The following ADAMTS15 variants were observed in gnomAD, a reference collection of about 807,000 sequenced individuals.
ADAMTS15 encodes ADAM metallopeptidase with thrombospondin type 1 motif 15.
ADAMTS15 carries 35 observed loss-of-function variants against 79.1 expected under a neutral mutation model. The observed-to-expected ratio is 0.44, with a 90% CI of 0.34 to 0.59. The LOEUF is 0.59. Ranked by LOEUF, ADAMTS15 falls within the 20% of genes least tolerant of loss-of-function variation. The probability of loss-of-function intolerance (pLI) is 0.02; values close to 1 mark genes in which losing one functional copy is unlikely to be tolerated. For synonymous variants in ADAMTS15, 616 were observed against 567.3 expected, an observed-to-expected ratio of 1.09 and a Z score of -1.22; for missense variants, 1,324 against 1,318.7, an observed-to-expected ratio of 1.00 and a Z score of -0.06.
chr11:130,449,597 G>C lies in ADAMTS15; in HGVS notation c.624G>C (p.Gly208=). 6.2e-7 allele frequency: 1 copy of C among 1,603,464 alleles called. No homozygotes were observed. Among genetic ancestry groups the C allele is most frequent in the Non-Finnish European group, 8.5e-7 (1 of 1,175,446 alleles). Residue 208 remains glycine (G), a synonymous_variant, in exon 1 of 8, where the codon GGG becomes GGC. Coordinates refer to ENST00000299164, the MANE Select transcript of ADAMTS15 (RefSeq NM_139055.4). The surrounding 1 kb of genome is among the most constrained non-coding windows in gnomAD (Gnocchi z 7.8). ...FGESRSRRRS[G]RAKRFVSIPR... is the part of the protein sequence containing the mutation. ...AGAGTCGTAGCCGGCGCAGGTCTGG[G>C]CGCGCCAAGCGTTTCGTGTCTATCC... is the stretch of plus-strand genomic sequence containing the variant.
At chr11:130,459,431 G>T (rs556091457) in intron 1 of ADAMTS15, among the ~76,000 whole-genome samples, 2 of 152,196 alleles carry the variant, frequency 1.3e-5, no homozygotes, top group African/African-American at 4.8e-5. Flanking sequence ...CTCCCAAAGT[G>T]CTGGGATTAC....
chr11:130,462,884 A>G lies in ADAMTS15; in HGVS notation c.1542+104A>G, dbSNP rs1938232520. 1.4e-6 allele frequency: 2 copies of G among 1,466,570 alleles called. No homozygotes were observed. Among genetic ancestry groups the G allele is most frequent in the South Asian group, 2.8e-5 (2 of 72,432 alleles). 90.8% of individuals were successfully genotyped at this position (1,466,570 alleles called of 1,614,324 possible). A position where few individuals can be genotyped will look rare whatever the true frequency, so the allele number is the denominator to read the frequency against. On this transcript the variant is annotated intron_variant, in intron 4 of 7. Transcript: ENST00000299164. This position sits in a 1 kb window ranked among gnomAD's most constrained non-coding sequence, Gnocchi z 4.3. ...TTCACCAGGAAGGTGCCTATCACAG[A>G]CTGGCCACGGGACCAGCACTGTTGC... is the stretch of plus-strand genomic sequence containing the variant.
intron 1 of ADAMTS15, 79 bp from the exon 2 acceptor site, chr11:130,461,410 A>G: frequency 6.3e-7 from 1 of 1,597,400 alleles, no homozygotes; most frequent in Non-Finnish European, 8.5e-7. Context: ...GTCCTATAGG[A>G]TGTCCTTTCT....
At position 130,471,111 on chromosome 11, in the gene ADAMTS15, C is replaced by A; in HGVS notation, c.1902+10C>A. On this transcript the variant is annotated intron_variant, in intron 6 of 7. Coordinates refer to ENST00000299164, the MANE Select transcript of ADAMTS15 (RefSeq NM_139055.4). Reference sequence around the variant, plus strand: ...TGTGCTGGCACCCAAGGTGAGTGAGCCTGGGGCCTGAGAACAAAGTAGGGA... The same window carrying A: ...TGTGCTGGCACCCAAGGTGAGTGAGACTGGGGCCTGAGAACAAAGTAGGGA... The A allele has an allele frequency of 6.2e-7, 1 of 1,608,610 alleles. No homozygotes were observed. The highest frequency in any genetic ancestry group is 1.7e-5 in the Admixed American group (1 of 59,660).
Position 130,462,879 on chromosome 11 carries a change from C to G in ADAMTS15, c.1542+99C>G, listed in dbSNP as rs975832750. The G allele has an allele frequency of 4.0e-6, 6 of 1,483,916 alleles. No homozygotes were observed. In the African/African-American group the frequency reaches 8.4e-5, roughly 21 times the overall value. 91.9% of individuals were successfully genotyped at this position (1,483,916 alleles called of 1,614,324 possible). A position where few individuals can be genotyped will look rare whatever the true frequency, so the allele number is the denominator to read the frequency against. ...TGGTCTTCACCAGGAAGGTGCCTAT[C>G]ACAGACTGGCCACGGGACCAGCACT... is the stretch of plus-strand genomic sequence containing the variant. On this transcript the variant is annotated intron_variant, in intron 4 of 7. Coordinates refer to ENST00000299164, the MANE Select transcript of ADAMTS15 (RefSeq NM_139055.4). This position sits in a 1 kb window ranked among gnomAD's most constrained non-coding sequence, Gnocchi z 4.3.
At chr11:130,453,302 TGTA>T (rs1938004244) in intron 1 of ADAMTS15, among the ~76,000 whole-genome samples, 1 of 151,794 alleles carries the variant, frequency 6.6e-6, no homozygotes, top group Non-Finnish European at 1.5e-5. Flanking sequence ...TTTTAGGACT[TGTA>T]GTTTATGGTT....
rs138810308 is a variant in ADAMTS15, at chr11:130,464,400, TCA to T, written c.1542+1622_1542+1623del. On this transcript the variant is annotated intron_variant, in intron 4 of 7. Coordinates refer to ENST00000299164, the MANE Select transcript of ADAMTS15 (RefSeq NM_139055.4). ...GAAACCTTCATGGAAGTCATTGCCC[TCA>T]CTGGCTGAGGTCAGATCATAAAGCA... Among the ~76,000 whole-genome samples the T allele has an allele frequency of 8.1e-3, 1,235 of 152,282 alleles. 21 individuals are homozygous for T. The highest frequency in any genetic ancestry group is 0.028 in the African/African-American group (1,172 of 41,548).
intron 1 of ADAMTS15, among the ~76,000 whole-genome samples, chr11:130,454,115 G>A (rs762133009): frequency 1.3e-5 from 2 of 152,178 alleles, no homozygotes; most frequent in Non-Finnish European, 2.9e-5. Flanking sequence ...ACTGCGCCTG[G>A]TCTATTTTGT....
intron 1 of ADAMTS15, among the ~76,000 whole-genome samples, chr11:130,458,176 A>G (rs1938126050): frequency 6.6e-6 from 1 of 152,010 alleles, no homozygotes. Context: ...CGCCCTCTAG[A>G]TCCCAGTCTG....
At position 130,463,044 on chromosome 11, in the gene ADAMTS15, C is replaced by T. The variant is rs572483392; in HGVS notation, c.1542+264C>T. Among the ~76,000 whole-genome samples, 568 of 152,322 alleles carry T rather than the reference C, an allele frequency of 3.7e-3. 3 individuals are homozygous for T. The highest frequency in any genetic ancestry group is 6.4e-3 in the South Asian group (31 of 4,824). Reference sequence around the variant, plus strand: ...ACATGGGGAAAAGCCTTCAACAGGACGTGGGGTCTCAGCCCTGAGCTCCGG... The same window carrying T: ...ACATGGGGAAAAGCCTTCAACAGGATGTGGGGTCTCAGCCCTGAGCTCCGG... On this transcript the variant is annotated intron_variant, in intron 4 of 7. Coordinates refer to ENST00000299164, the MANE Select transcript of ADAMTS15 (RefSeq NM_139055.4).
chr11:130,472,927 C>A lies in ADAMTS15; in HGVS notation c.2079-120C>A. The A allele has an allele frequency of 7.0e-7, 1 of 1,433,926 alleles. No individual in the cohort carries two copies. The highest frequency in any genetic ancestry group is 9.5e-7 in the Non-Finnish European group (1 of 1,055,852). 88.8% of individuals were successfully genotyped at this position (1,433,926 alleles called of 1,614,324 possible). On this transcript the variant is annotated intron_variant, in intron 7 of 7. Transcript: ENST00000299164. This position sits in a 1 kb window ranked among gnomAD's most constrained non-coding sequence, Gnocchi z 4.7. ...GACCTCTCTGACTCCAAAACCTGTG[C>A]TTTTACTCCCATGCCAGAATTCACC...
intron 4 of ADAMTS15, among the ~76,000 whole-genome samples, chr11:130,465,485 G>T (rs915696097): frequency 6.6e-6 from 1 of 152,152 alleles, no homozygotes; most frequent in Non-Finnish European, 1.5e-5. Flanking sequence ...AACTTCTTAT[G>T]ATCCCACTTC....
rs1938520843 is a variant in ADAMTS15, at chr11:130,473,848, C to T, written c.*27C>T. 2 of 1,563,650 alleles carry T rather than the reference C, an allele frequency of 1.3e-6. No homozygotes were observed. Among genetic ancestry groups the T allele is most frequent in the East Asian group, 4.5e-5 (2 of 44,192 alleles). ...TGGGGTCATCGCTTTCTCCCCCTCACTCTCCACCCCACTGATATGCCAGCG... is the reference window on the plus strand; with the variant it reads ...TGGGGTCATCGCTTTCTCCCCCTCATTCTCCACCCCACTGATATGCCAGCG... On this transcript the variant is annotated 3_prime_UTR_variant, in exon 8 of 8. Transcript: ENST00000299164.
Position 130,473,678 on chromosome 11 carries a change from C to T in ADAMTS15, c.2710C>T (p.Pro904Ser). Residue 904 changes from proline to serine, a missense_variant, in exon 8 of 8, where the codon CCC becomes TCC. Physicochemically the swap from Pro to Ser is moderately conservative, Grantham distance 74 (BLOSUM62 -1). Coordinates refer to ENST00000299164, the MANE Select transcript of ADAMTS15 (RefSeq NM_139055.4). Reference sequence around the variant, plus strand: ...CACCTGGGAGCTCAGCGCCTGGTCACCCTGCTCCAAGAGCTGCGGCCGGGG... The same window carrying T: ...CACCTGGGAGCTCAGCGCCTGGTCATCCTGCTCCAAGAGCTGCGGCCGGGG... ...CPTWELSAWS[P>S]CSKSCGRGFQ... is the part of the protein sequence containing the mutation. 1.2e-6 allele frequency: 2 copies of T among 1,604,516 alleles called. No homozygotes were observed. Among genetic ancestry groups the T allele is most frequent in the Non-Finnish European group, 1.7e-6 (2 of 1,179,882 alleles).
intron 5 of ADAMTS15, among the ~76,000 whole-genome samples, chr11:130,470,531 A>G (rs1392296810): frequency 2.6e-5 from 4 of 152,034 alleles, no homozygotes; most frequent in Non-Finnish European, 5.9e-5. Flanking sequence ...ATCATATTTA[A>G]TGCATTAACA....
intron 1 of ADAMTS15, among the ~76,000 whole-genome samples, chr11:130,458,950 G>C (rs1938144192): frequency 6.7e-6 from 1 of 149,700 alleles, no homozygotes; most frequent in Non-Finnish European, 1.5e-5. Context: ...CTTCCCCACA[G>C]TTCACACGCT....
chr11:130,455,067 A>G (rs1292186264), intron 1 of ADAMTS15, among the ~76,000 whole-genome samples: 1 of 152,042 alleles, frequency 6.6e-6, no homozygotes, highest in Non-Finnish European at 1.5e-5. Context: ...TGAACTCTCT[A>G]GCAATGGACA....
chr11:130,455,967 A>AC (rs369182858), intron 1 of ADAMTS15, among the ~76,000 whole-genome samples: 23 of 152,278 alleles, frequency 1.5e-4, no homozygotes, highest in Middle Eastern at 3.4e-3. Context: ...GGCGATATGC[A>AC]CCAGAGGCAG....
chr11:130,467,241 C>T (rs1592148938), intron 4 of ADAMTS15, among the ~76,000 whole-genome samples: 2 of 152,240 alleles, frequency 1.3e-5, no homozygotes, highest in East Asian at 3.9e-4. Flanking sequence ...CTCTTTCAGT[C>T]TTCTGATGGC....
Sources: allele counts gnomAD v4.1 joint callset (sites outside exome capture counted in the v4.1 genomes callset), GRCh38; gene constraint gnomAD v4.1.1; non-coding constraint Gnocchi (gnomAD v3.1); transcripts MANE v1.5; gene names NCBI Gene and HGNC (gene_info 2026-07-23, HGNC 2026-07-21).